SPON2: variants seen among roughly 807,000 people sequenced by gnomAD.
SPON2 encodes the protein spondin-2.
Under a neutral mutation model 29.9 loss-of-function variants are expected in SPON2, and 32 were observed. That is an observed-to-expected ratio of 1.07 (90% CI 0.81 to 1.44). The LOEUF (loss-of-function observed/expected upper bound fraction) is 1.44, where lower values mean the gene tolerates loss of function less well. SPON2 is among the 40% of genes most tolerant of loss of function. The pLI is 0.00. For missense variants in SPON2, 541 were observed against 455.5 expected (o/e 1.19, Z -1.71); for synonymous variants, 248 against 209.1 (o/e 1.19, Z -1.61).
rs759128492 is a variant in SPON2, at chr4:1,167,502, C to T, written c.966G>A (p.Glu322=). 6.2e-7 allele frequency: 1 copy of T among 1,613,660 alleles called. No homozygotes were observed. The highest frequency in any genetic ancestry group is 1.7e-5 in the Admixed American group (1 of 60,004). Residue 322 remains glutamate (E), a synonymous_variant, in exon 6 of 6, where the codon GAG becomes GAA. Coordinates refer to ENST00000290902, the MANE Select transcript of SPON2 (RefSeq NM_012445.4). ...NGSPCPELEE[E]AECVPDNCV Reference sequence around the variant, plus strand: ...CGCAGTTATCAGGGACGCACTCAGCCTCTTCTTCGAGCTCGGGGCAGGGGC... The same window carrying T: ...CGCAGTTATCAGGGACGCACTCAGCTTCTTCTTCGAGCTCGGGGCAGGGGC...
chr4:1,180,691 T>A (rs1355667678), intron 1 of SPON2, among the ~76,000 whole-genome samples: 1 of 152,170 alleles, frequency 6.6e-6, no homozygotes, highest in Non-Finnish European at 1.5e-5. Flanking sequence ...GGACAGAAAT[T>A]ATAGAGAACC....
intron 1 of SPON2, among the ~76,000 whole-genome samples, chr4:1,185,649 A>G (rs1156837603): frequency 7.2e-6 from 1 of 139,648 alleles, no homozygotes; most frequent in African/African-American, 2.7e-5. Context: ...CGGACATTGC[A>G]GTGAGCTGAG....
At position 1,167,276 on chromosome 4, in the gene SPON2, AAGG is replaced by A. The variant is rs1266560916; in HGVS notation, c.*193_*195del. On this transcript the variant is annotated 3_prime_UTR_variant, in exon 6 of 6. Transcript: ENST00000290902. ...GGGCCCCTAAGAAGCAAGGTTGGGA[AAGG>A]AGGAGGCTGTTTCCCAATGCCCGTG... 9 of 555,388 alleles carry A rather than the reference AAGG, an allele frequency of 1.6e-5. No individual in the cohort carries two copies. The Admixed American group carries it at 2.0e-4, about 13-fold the overall frequency. The allele number at this position is 555,388 out of a possible 1,614,324, so 34.4% of individuals were successfully genotyped here.
rs553076903 is a variant in SPON2 at position 1,186,027 on chromosome 4, G to A, written c.-238-6486C>T. Among the ~76,000 whole-genome samples, 575 of 150,004 alleles carry A rather than the reference G, an allele frequency of 3.8e-3. 3 individuals carry two copies. The highest frequency in any genetic ancestry group is 8.5e-3 in the African/African-American group (353 of 41,338). On this transcript the variant is annotated intron_variant, in intron 1 of 3. Coordinates refer to the SPON2 transcript ENST00000502483. The stretch of plus-strand genomic sequence containing the variant: ...TGGGAGGCCGAGGCGGGCGGATCAC[G>A]AGGTCAGGAGATCGAGACCATCCTG...
chr4:1,201,040 T>C (rs571531061), intron 1 of SPON2: 88 of 453,730 alleles, frequency 1.9e-4, no homozygotes, highest in South Asian at 9.8e-4. Context: ...GGCTGAGGCT[T>C]CCTGGCCCTT....
At chr4:1,177,327 G>A (rs984052606), upstream of SPON2, among the ~76,000 whole-genome samples, 3 of 152,180 alleles carry the variant, frequency 2.0e-5, no homozygotes, top group Admixed American at 6.5e-5. Context: ...AGTAATCAGC[G>A]CCCACACTCC....
chr4:1,175,501 G>T (rs1419980667), upstream of SPON2, among the ~76,000 whole-genome samples: 26 of 152,168 alleles, frequency 1.7e-4, no homozygotes, highest in South Asian at 2.1e-4. Flanking sequence ...TAGGATGTAG[G>T]GCGGTGGTGG....
At chr4:1,206,856 A>G (rs1728353328) in intron 1 of SPON2, among the ~76,000 whole-genome samples, 1 of 152,000 alleles carries the variant, frequency 6.6e-6, no homozygotes, top group Non-Finnish European at 1.5e-5. Context: ...TGAGGGGCAG[A>G]CAGGTGTGAG....
Position 1,170,432 on chromosome 4 carries a change from T to A in SPON2, c.781A>T (p.Arg261Trp). The A allele has an allele frequency of 6.2e-7, 1 of 1,613,878 alleles. No individual in the cohort carries two copies. Among genetic ancestry groups the A allele is most frequent in the Non-Finnish European group, 8.5e-7 (1 of 1,179,934 alleles). Reference sequence around the variant, plus strand: ...GCGCTGTCTACAATCTCATTGTCCCTGCTGGGCAGGACTGGGGCGGGAGGG... The same window carrying A: ...GCGCTGTCTACAATCTCATTGTCCCAGCTGGGCAGGACTGGGGCGGGAGGG... ...FIPPAPVLPS[R>W]DNEIVDSASV... The change falls in exon 5 of 6, where the codon AGG (arginine) becomes TGG (tryptophan). Residue 261 changes from arginine (R) to tryptophan (W), a missense_variant. Arg to Trp is a moderately radical substitution (Grantham distance 101). Transcript: ENST00000290902.
intron 2 of SPON2, 123 bp downstream of exon 2, chr4:1,171,729 G>GTGTT: frequency 1.2e-6 from 1 of 825,750 alleles, no homozygotes; most frequent in South Asian, 1.5e-5. Context: ...AAACATTCTG[G>GTGTT]TGTTAGAGTC....
chr4:1,186,855 T>C (rs1727816535), intron 1 of SPON2, among the ~76,000 whole-genome samples: 1 of 152,106 alleles, frequency 6.6e-6, no homozygotes, highest in Non-Finnish European at 1.5e-5. Flanking sequence ...AGATGACTAC[T>C]ATCAAAAAAA....
chr4:1,208,572 C>G (rs1728405925), upstream of SPON2: 2 of 152,368 alleles, frequency 1.3e-5, no homozygotes, highest in African/African-American at 4.8e-5. Flanking sequence ...CCTCTGAGCC[C>G]TACCCAAGGC....
At chr4:1,186,000 T>C (rs1381240650) in intron 1 of SPON2, among the ~76,000 whole-genome samples, 9 of 151,326 alleles carry the variant, frequency 5.9e-5, no homozygotes, top group Non-Finnish European at 1.0e-4. Context: ...ATCCCAGCAC[T>C]TTGGGAGGCC....
chr4:1,167,735 A>G, intron 5 of SPON2, 79 bp from the exon 6 acceptor site: 3 of 1,462,698 alleles, frequency 2.1e-6, no homozygotes, highest in South Asian at 2.7e-5. Flanking sequence ...ACCTCCCACC[A>G]ACGTGTGCAT....
chr4:1,198,737 C>T (rs906855823), upstream of SPON2, among the ~76,000 whole-genome samples: 4 of 152,130 alleles, frequency 2.6e-5, no homozygotes, highest in African/African-American at 4.8e-5. Flanking sequence ...TCATCAGAGA[C>T]GTCATTTCAT....
chr4:1,194,142 A>G (rs1019437692), intron 1 of SPON2, among the ~76,000 whole-genome samples: 1 of 152,116 alleles, frequency 6.6e-6, no homozygotes, highest in African/African-American at 2.4e-5. Flanking sequence ...CACAGCAGGC[A>G]GTGCCTATGG....
upstream of SPON2, chr4:1,200,056 G>A (rs767365401): frequency 6.6e-6 from 1 of 152,254 alleles, no homozygotes; most frequent in Non-Finnish European, 1.5e-5. Context: ...GCCTAGGAAA[G>A]AAAGAACAGG....
intron 2 of SPON2, 70 bp from the exon 3 acceptor site, chr4:1,171,556 G>T: frequency 4.8e-6 from 7 of 1,472,080 alleles, no homozygotes; most frequent in South Asian, 1.2e-5. Flanking sequence ...TCCAGGGGGC[G>T]CCCCAGGAAA....
intron 5 of SPON2, 92 bp from the exon 6 acceptor site, chr4:1,167,748 A>G: frequency 1.4e-6 from 2 of 1,382,674 alleles, no homozygotes; most frequent in South Asian, 1.4e-5. Flanking sequence ...GTGTGCATTC[A>G]TCAGAGGCCA....
Sources: allele counts gnomAD v4.1 joint callset (sites outside exome capture counted in the v4.1 genomes callset), GRCh38; gene constraint gnomAD v4.1.1; transcripts MANE v1.5; gene names NCBI Gene and HGNC (gene_info 2026-07-23, HGNC 2026-07-21).